The following ZRANB3 variants were observed in gnomAD, a reference collection of about 807,000 sequenced individuals.
ZRANB3 encodes the protein DNA annealing helicase and endonuclease ZRANB3.
Under a neutral mutation model 133.8 loss-of-function variants are expected in ZRANB3, and 125 were observed. The ratio of observed to expected loss-of-function variants is 0.93; its 90% CI spans 0.81 to 1.08. The LOEUF (loss-of-function observed/expected upper bound fraction) is 1.08. Among genes scored for constraint, ZRANB3 ranks in the 50% least tolerant of loss-of-function variants. ZRANB3 has a pLI of 0.00. For missense variants in ZRANB3, 1,229 were observed against 1,275.5 expected, an observed-to-expected ratio of 0.96 and a Z score of 0.56; for synonymous variants, 387 against 432.7, an observed-to-expected ratio of 0.89 and a Z score of 1.31.
chr2:135,499,527 A>G (rs995939542), intron 2 of ZRANB3, among the ~76,000 whole-genome samples: 1 of 152,240 alleles, frequency 6.6e-6, no homozygotes, highest in Admixed American at 6.5e-5. Context: ...TAGACAATCC[A>G]GAAGAAAAAC....
chr2:135,420,091 T>TTATATA (rs201217358), intron 2 of ZRANB3, among the ~76,000 whole-genome samples: 2,424 of 72,130 alleles, frequency 0.034, 40 homozygotes, highest in Admixed American at 0.073. Context: ...TATCTTAGAT[T>TTATATA]TATATATATA....
At chr2:135,294,338 T>C (rs1230317518) in intron 8 of ZRANB3, among the ~76,000 whole-genome samples, 1 of 152,126 alleles carries the variant, frequency 6.6e-6, no homozygotes, top group Non-Finnish European at 1.5e-5. Context: ...GTGTATGTGT[T>C]GAGGAATTTA....
chr2:135,237,719 C>T (rs1289344128), intron 12 of ZRANB3, among the ~76,000 whole-genome samples: 10 of 151,718 alleles, frequency 6.6e-5, no homozygotes, highest in Admixed American at 6.6e-4. Context: ...CATGTCCTCA[C>T]TCATAGGTGG....
chr2:135,515,312 CA>C (rs1324977029), intron 1 of ZRANB3, among the ~76,000 whole-genome samples: 1 of 151,850 alleles, frequency 6.6e-6, no homozygotes, highest in African/African-American at 2.4e-5. Flanking sequence ...CTATTTCCTT[CA>C]GTTCTGCTCT....
At chr2:135,501,942 T>C (rs1305139122) in intron 2 of ZRANB3, among the ~76,000 whole-genome samples, 1 of 152,154 alleles carries the variant, frequency 6.6e-6, no homozygotes, top group Non-Finnish European at 1.5e-5. Flanking sequence ...TAAGGTGATA[T>C]TTTGAGACTC....
chr2:135,219,112 G>C lies in ZRANB3; in HGVS notation c.2317C>G (p.Pro773Ala). ...TATTGTTTCAGCTGAAAGCTTGCTG[G>C]TAAATCTTCCCAAAGGTCTAATTTT... ...DIKLDLWEDLPASFQLKQYRS... is the reference protein window; with the variant it reads ...DIKLDLWEDLAASFQLKQYRS... The change falls in exon 16 of 21, where the codon CCA (proline) becomes GCA (alanine). Residue 773 changes from proline to alanine, a missense_variant. Transcript: ENST00000264159. 6.5e-7 allele frequency: 1 copy of C among 1,530,256 alleles called. No individual in the cohort carries two copies. Among genetic ancestry groups the C allele is most frequent in the Non-Finnish European group, 8.7e-7 (1 of 1,143,862 alleles). 94.8% of individuals were successfully genotyped at this position (1,530,256 alleles called of 1,614,324 possible).
At chr2:135,316,003 C>A (rs1683235056) in intron 6 of ZRANB3, among the ~76,000 whole-genome samples, 1 of 152,144 alleles carries the variant, frequency 6.6e-6, no homozygotes, top group African/African-American at 2.4e-5. Flanking sequence ...TAAAGCATAG[C>A]AGATTGATTA....
intron 8 of ZRANB3, among the ~76,000 whole-genome samples, chr2:135,292,193 C>T (rs1681780476): frequency 6.6e-6 from 1 of 152,182 alleles, no homozygotes; most frequent in Admixed American, 6.5e-5. Context: ...AATGGTTGAA[C>T]TAGTTTACAG....
intron 8 of ZRANB3, among the ~76,000 whole-genome samples, chr2:135,290,480 G>T (rs564175303): frequency 6.6e-6 from 1 of 152,248 alleles, no homozygotes; most frequent in African/African-American, 2.4e-5. Context: ...TTAAGTTTAT[G>T]TGAATCCTTA....
chr2:135,390,247 A>T (rs926716614), intron 3 of ZRANB3, among the ~76,000 whole-genome samples: 9 of 152,216 alleles, frequency 5.9e-5, no homozygotes, highest in Admixed American at 5.2e-4. Flanking sequence ...GTTAAAAATT[A>T]GAACTTTATT....
intron 8 of ZRANB3, among the ~76,000 whole-genome samples, chr2:135,288,948 T>G (rs1318518876): frequency 1.3e-5 from 2 of 151,842 alleles, no homozygotes; most frequent in African/African-American, 4.8e-5. Context: ...ACTTTTGTTA[T>G]TTCTTTTCTT....
intron 8 of ZRANB3, among the ~76,000 whole-genome samples, chr2:135,309,993 G>A (rs1682897685): frequency 6.6e-6 from 1 of 152,196 alleles, no homozygotes; most frequent in African/African-American, 2.4e-5. Flanking sequence ...TTGGAGTGCA[G>A]TGTCATGATC....
chr2:135,514,178 A>G (rs561349040), intron 1 of ZRANB3, among the ~76,000 whole-genome samples: 2 of 152,304 alleles, frequency 1.3e-5, no homozygotes, highest in African/African-American at 4.8e-5. Flanking sequence ...GTCTGTGAAG[A>G]AAGTCAATGG....
At chr2:135,392,601 T>C (rs538054261) in intron 2 of ZRANB3, among the ~76,000 whole-genome samples, 17 of 152,000 alleles carry the variant, frequency 1.1e-4, no homozygotes, top group African/African-American at 3.4e-4. Flanking sequence ...AGTAAAAAAT[T>C]AGCCAGGTGT....
chr2:135,321,484 T>C (rs1683524543), intron 6 of ZRANB3, among the ~76,000 whole-genome samples: 1 of 151,682 alleles, frequency 6.6e-6, no homozygotes, highest in Non-Finnish European at 1.5e-5. Flanking sequence ...ATTTTTTTTT[T>C]TTTTTTTGAG....
At chr2:135,480,292 T>C (rs536778969) in intron 2 of ZRANB3, among the ~76,000 whole-genome samples, 3 of 152,258 alleles carry the variant, frequency 2.0e-5, no homozygotes, top group South Asian at 4.1e-4. Flanking sequence ...ATGATAAGCA[T>C]GGAAATTCAT....
At chr2:135,480,606 T>A (rs552216169) in intron 2 of ZRANB3, among the ~76,000 whole-genome samples, 66 of 152,200 alleles carry the variant, frequency 4.3e-4, no homozygotes, top group Non-Finnish European at 1.5e-4. Flanking sequence ...AGGTTTTTTT[T>A]AATCTTTTAT....
chr2:135,494,588 G>A (rs1213322759), intron 2 of ZRANB3, among the ~76,000 whole-genome samples: 1 of 152,188 alleles, frequency 6.6e-6, no homozygotes, highest in African/African-American at 2.4e-5. Flanking sequence ...CTAAACAACT[G>A]TGAGAAGCAA....
At chr2:135,307,347 T>C (rs1269133416) in intron 8 of ZRANB3, among the ~76,000 whole-genome samples, 1 of 152,212 alleles carries the variant, frequency 6.6e-6, no homozygotes, top group African/African-American at 2.4e-5. Context: ...ATTACAGGTG[T>C]AAGCCACCAC....
Sources: allele counts gnomAD v4.1 joint callset (sites outside exome capture counted in the v4.1 genomes callset), GRCh38; gene constraint gnomAD v4.1.1; transcripts MANE v1.5; gene names NCBI Gene and HGNC (gene_info 2026-07-23, HGNC 2026-07-21).